The following TBXAS1 variants were observed in gnomAD, a reference collection of about 807,000 sequenced individuals.
TBXAS1 encodes the protein thromboxane-A synthase.
In TBXAS1, 48 loss-of-function variants were observed where a neutral mutation model predicts 60.7. The observed-to-expected ratio is 0.79, with a 90% confidence interval of 0.63 to 1.01. The LOEUF (loss-of-function observed/expected upper bound fraction) is 1.01, where lower values mean the gene tolerates loss of function less well. Ranked by LOEUF, TBXAS1 falls within the 50% of genes least tolerant of loss-of-function variation. The probability of loss-of-function intolerance (pLI) is 0.00; values close to 1 mark genes in which losing one functional copy is unlikely to be tolerated. For synonymous variants in TBXAS1, 287 were observed against 269.7 expected (o/e 1.06, Z -0.63); for missense variants, 685 against 686.3 (o/e 1.00, Z 0.02).
chr7:139,924,480 T>C (rs1806732103), intron 4 of TBXAS1, among the ~76,000 whole-genome samples: 1 of 152,186 alleles, frequency 6.6e-6, no homozygotes, highest in East Asian at 1.9e-4. Context: ...TCACATCTTT[T>C]GCATGTTTTT....
At chr7:139,894,169 G>A (rs56763698) in intron 3 of TBXAS1, among the ~76,000 whole-genome samples, 3,902 of 152,306 alleles carry the variant, frequency 0.026, 157 homozygotes, top group African/African-American at 0.089. Context: ...TTCCTTAGCA[G>A]CAGGAGGCCT....
intron 9 of TBXAS1, among the ~76,000 whole-genome samples, chr7:139,964,500 T>G (rs2117396287): frequency 6.6e-6 from 1 of 152,282 alleles, no homozygotes; most frequent in South Asian, 2.1e-4. Flanking sequence ...ACTGAGAACT[T>G]GGGAAGGTGA....
At chr7:139,835,322 C>T (rs1798989424) in intron 1 of TBXAS1, among the ~76,000 whole-genome samples, 2 of 152,122 alleles carry the variant, frequency 1.3e-5, no homozygotes, top group Non-Finnish European at 2.9e-5. Flanking sequence ...CCCACCTCGG[C>T]CTCCCAAAGT....
At chr7:139,937,346 A>C (rs1438330591) in intron 5 of TBXAS1, among the ~76,000 whole-genome samples, 1 of 152,128 alleles carries the variant, frequency 6.6e-6, no homozygotes, top group East Asian at 1.9e-4. Context: ...AATGAAAGCT[A>C]CTTTTAGCTT....
Position 139,798,488 on chromosome 7 carries a change from A to T in TBXAS1, c.-80+11062A>T, listed in dbSNP as rs564137769. Among the ~76,000 whole-genome samples the T allele has an allele frequency of 4.1e-4, 63 of 152,320 alleles. 1 individual carries two copies. The East Asian group carries it at 7.3e-3, about 18-fold the overall frequency. Reference sequence around the variant, plus strand: ...GTACACGTGGAAGCGAGAGCAGGAAACAAAATGCAAGTCAGCTGGGCTAAC... The same window carrying T: ...GTACACGTGGAAGCGAGAGCAGGAATCAAAATGCAAGTCAGCTGGGCTAAC... On this transcript the variant is annotated intron_variant, in intron 4 of 16. Coordinates refer to the TBXAS1 transcript ENST00000336425.
At chr7:139,821,164 T>G (rs149860124) in intron 4 of TBXAS1, among the ~76,000 whole-genome samples, 24 of 152,266 alleles carry the variant, frequency 1.6e-4, no homozygotes, top group Admixed American at 1.6e-3. Context: ...GATCCCAAGT[T>G]TCTGGCTTGG....
intron 4 of TBXAS1, among the ~76,000 whole-genome samples, chr7:139,934,557 T>TACCA (rs1807593907): frequency 6.6e-6 from 1 of 152,220 alleles, no homozygotes; most frequent in Non-Finnish European, 1.5e-5. Context: ...TAGGCTACTA[T>TACCA]ACCAACCAAC....
chr7:139,873,368 A>T (rs1801967105), intron 2 of TBXAS1, among the ~76,000 whole-genome samples: 1 of 152,190 alleles, frequency 6.6e-6, no homozygotes, highest in South Asian at 2.1e-4. Context: ...AATGGACAAC[A>T]CTCTGCAAGG....
At chr7:139,914,201 A>C (rs116616586) in intron 4 of TBXAS1, among the ~76,000 whole-genome samples, 1 of 146,164 alleles carries the variant, frequency 6.8e-6, no homozygotes, top group Non-Finnish European at 1.5e-5. Context: ...GGCTAATTTT[A>C]AAAAAAAAAA....
chr7:139,821,917 C>T (rs6953224), intron 4 of TBXAS1, among the ~76,000 whole-genome samples: 5 of 152,178 alleles, frequency 3.3e-5, no homozygotes, highest in East Asian at 3.9e-4. Flanking sequence ...GAATGCTGTA[C>T]GTCGTTTCCT....
At chr7:139,971,481 C>A (rs760321971) in intron 9 of TBXAS1, among the ~76,000 whole-genome samples, 5 of 152,184 alleles carry the variant, frequency 3.3e-5, no homozygotes, top group Non-Finnish European at 7.4e-5. Flanking sequence ...CATTGTTATG[C>A]ACACAAACTT....
Position 139,957,742 on chromosome 7 carries a change from G to C in TBXAS1, c.797G>C (p.Arg266Pro), listed in dbSNP as rs145426879. The C allele has an allele frequency of 4.3e-6, 7 of 1,613,912 alleles. No individual in the cohort carries two copies. The highest frequency in any genetic ancestry group is 1.1e-5 in the South Asian group (1 of 91,072). ...CTCATTAGGAATGTGATTGCCTTGC[G>C]GGACCAGCAAGCTGCCGAAGAGGTA... The part of the protein sequence containing the change: ...NKLIRNVIAL[R>P]DQQAAEERRR... The change falls in exon 8 of 13, where the codon CGG becomes CCG. Residue 266 changes from arginine (R) to proline (P), a missense_variant. Arg to Pro is a moderately radical substitution (Grantham distance 103). Transcript: ENST00000448866.
chr7:139,936,928 G>T (rs1469492440), intron 5 of TBXAS1, among the ~76,000 whole-genome samples: 3 of 152,008 alleles, frequency 2.0e-5, no homozygotes, highest in Non-Finnish European at 2.9e-5. Context: ...GGAAGGGCAG[G>T]CTCCACAGGA....
At chr7:139,931,940 T>A (rs1807359578) in intron 4 of TBXAS1, among the ~76,000 whole-genome samples, 1 of 152,080 alleles carries the variant, frequency 6.6e-6, no homozygotes, top group Admixed American at 6.6e-5. Flanking sequence ...TTTTGTAAGA[T>A]GCGAAAAGTT....
chr7:139,818,841 G>A (rs946119909), intron 4 of TBXAS1, among the ~76,000 whole-genome samples: 4 of 152,156 alleles, frequency 2.6e-5, no homozygotes, highest in Non-Finnish European at 4.4e-5. Flanking sequence ...GAAGGCTCCT[G>A]GTGGCACATG....
Position 139,843,654 on chromosome 7 carries a change from A to C in TBXAS1, c.89+14175A>C, listed in dbSNP as rs1258237259. Among the ~76,000 whole-genome samples, 5 of 152,174 alleles carry C rather than the reference A, an allele frequency of 3.3e-5. No homozygotes were observed. In the East Asian group the frequency reaches 9.6e-4, roughly 29 times the overall value. On this transcript the variant is annotated intron_variant, in intron 1 of 12. Coordinates refer to ENST00000448866, the MANE Select transcript of TBXAS1 (RefSeq NM_001061.7). ...CACAGTGCCCGGCCCACTTTATTTT[A>C]TAGCTTATGCATGTGACCTATCTTC...
In TBXAS1 at chr7:139,955,496, G is replaced by A. The variant is rs372058761; in HGVS notation, c.577G>A (p.Val193Ile). 8.7e-6 allele frequency: 14 copies of A among 1,614,094 alleles called. No individual in the cohort carries two copies. The Admixed American group carries it at 1.2e-4, about 13-fold the overall frequency. The part of the protein sequence containing the change: ...CNYTTDVVAS[V>I]AFGTPVDSWQ... ...TTACACCACAGATGTGGTTGCCAGC[G>A]TCGCCTTTGGCACCCCGGTGGACTC... Residue 193 changes from valine to isoleucine, a missense_variant, in exon 7 of 13, where the codon GTC becomes ATC. Transcript: ENST00000448866.
At chr7:139,884,609 G>A (rs1802939299) in intron 3 of TBXAS1, among the ~76,000 whole-genome samples, 1 of 152,198 alleles carries the variant, frequency 6.6e-6, no homozygotes. Context: ...AGCGTTTAAA[G>A]AGTAAGATGG....
intron 5 of TBXAS1, among the ~76,000 whole-genome samples, chr7:139,946,051 G>A (rs1334496360): frequency 2.0e-5 from 3 of 152,194 alleles, no homozygotes; most frequent in African/African-American, 7.2e-5. Context: ...TGGAAGATCT[G>A]GCCAGGCATG....
Sources: gnomAD v4.1 joint callset for allele counts (sites outside exome capture counted in the v4.1 genomes callset) on GRCh38, gnomAD v4.1.1 for gene constraint, MANE v1.5 for transcripts, NCBI Gene and HGNC (gene_info 2026-07-23, HGNC 2026-07-21) for gene names.